Variants in CTCF observed in about 807,000 individuals in gnomAD.
CTCF encodes CCCTC-binding factor.
CTCF carries 7 observed loss-of-function variants against 72.3 expected under a neutral mutation model. The ratio of observed to expected loss-of-function variants is 0.10; its 90% CI spans 0.06 to 0.18. The LOEUF (loss-of-function observed/expected upper bound fraction) is 0.18. Among genes scored for constraint, CTCF ranks in the 10% least tolerant of loss-of-function variants. CTCF has a pLI of 1.00. For missense variants in CTCF, 516 were observed against 949.1 expected (o/e 0.54, Z 6.00); for synonymous variants, 374 against 315.8 (o/e 1.18, Z -1.95).
At chr16:67,617,824 A>G (rs1315382168) in intron 5 of CTCF, among the ~76,000 whole-genome samples, 1 of 152,242 alleles carries the variant, frequency 6.6e-6, no homozygotes, top group African/African-American at 2.4e-5. Flanking sequence ...CTGGGTCAGA[A>G]AACTACCAAA....
At chr16:67,598,509 GTTA>G (rs553441168) in intron 2 of CTCF, among the ~76,000 whole-genome samples, 88 of 152,286 alleles carry the variant, frequency 5.8e-4, no homozygotes, top group African/African-American at 1.9e-3. Flanking sequence ...ATAATAGAAA[GTTA>G]TTATTACATG....
At position 67,638,750 on chromosome 16, in the gene CTCF, ATCT is replaced by A. The variant is rs1285549042; in HGVS notation, c.*882_*884del. On this transcript the variant is annotated 3_prime_UTR_variant, in exon 12 of 12. Coordinates refer to ENST00000264010, the MANE Select transcript of CTCF (RefSeq NM_006565.4). Reference sequence around the variant, plus strand: ...TGTAGCTGATTGTTGTGTTTTATAAATCTTCTGTTAAGGCAGAAGGGTGATTAT... The same window carrying A: ...TGTAGCTGATTGTTGTGTTTTATAAATCTGTTAAGGCAGAAGGGTGATTAT... The A allele has an allele frequency of 9.5e-5, 21 of 220,730 alleles. No individual in the cohort carries two copies. Among genetic ancestry groups the A allele is most frequent in the East Asian group, 1.3e-4 (2 of 15,170 alleles). 13.7% of individuals were successfully genotyped at this position (220,730 alleles called of 1,614,324 possible). A position where few individuals can be genotyped will look rare whatever the true frequency, so the allele number is the denominator to read the frequency against.
intron 2 of CTCF, among the ~76,000 whole-genome samples, chr16:67,593,503 T>C (rs1379255554): frequency 6.6e-6 from 1 of 152,202 alleles, no homozygotes; most frequent in East Asian, 1.9e-4. Context: ...GCATCTGTGT[T>C]GCTGTAAAGG....
At chr16:67,588,100 C>A (rs1160220184) in intron 2 of CTCF, among the ~76,000 whole-genome samples, 3 of 152,082 alleles carry the variant, frequency 2.0e-5, no homozygotes, top group Non-Finnish European at 4.4e-5. Flanking sequence ...TCAGGTGATT[C>A]ACCTGCCTCG....
At chr16:67,580,978 G>A (rs2051572379) in intron 2 of CTCF, among the ~76,000 whole-genome samples, 1 of 151,820 alleles carries the variant, frequency 6.6e-6, no homozygotes, top group South Asian at 2.1e-4. Context: ...GCCCACGCGG[G>A]AGTGCAGTGG....
At chr16:67,593,785 G>A (rs2051776999) in intron 2 of CTCF, among the ~76,000 whole-genome samples, 1 of 152,148 alleles carries the variant, frequency 6.6e-6, no homozygotes, top group Admixed American at 6.6e-5. Context: ...ATATTAAAAA[G>A]TTGTGGGTTT....
chr16:67,567,058 T>A (rs2051352468), intron 1 of CTCF, among the ~76,000 whole-genome samples: 1 of 151,692 alleles, frequency 6.6e-6, no homozygotes, highest in Non-Finnish European at 1.5e-5. Flanking sequence ...CCTAGGCTGG[T>A]CTCAAACTCG....
At chr16:67,597,260 T>A (rs902242853) in intron 2 of CTCF, among the ~76,000 whole-genome samples, 3 of 152,152 alleles carry the variant, frequency 2.0e-5, no homozygotes, top group Non-Finnish European at 4.4e-5. Context: ...AATCTCGAAC[T>A]CCTGGGCTCA....
intron 1 of CTCF, among the ~76,000 whole-genome samples, chr16:67,565,282 G>A (rs1174250952): frequency 6.6e-6 from 1 of 152,132 alleles, no homozygotes; most frequent in African/African-American, 2.4e-5. Context: ...GATTACAGGC[G>A]TGAGCCATCT....
chr16:67,610,598 C>G (rs184353412), intron 2 of CTCF: 3 of 210,566 alleles, frequency 1.4e-5, no homozygotes, highest in African/African-American at 6.9e-5. Flanking sequence ...TCGTGATCCG[C>G]CCGCCTCAGC....
At chr16:67,614,642 G>T (rs1405682401) in intron 4 of CTCF, 4 of 152,160 alleles carry the variant, frequency 2.6e-5, no homozygotes, top group Non-Finnish European at 5.9e-5. Context: ...GAGGTCAGGA[G>T]TTCAAGACTA....
intron 2 of CTCF, among the ~76,000 whole-genome samples, chr16:67,601,339 T>TGTGTG (rs2051888867): frequency 9.1e-6 from 1 of 109,678 alleles, no homozygotes; most frequent in African/African-American, 3.2e-5. Context: ...GTGTGTGTGT[T>TGTGTG]TTGTTTTGTT....
At chr16:67,586,455 G>C (rs2051669895) in intron 2 of CTCF, among the ~76,000 whole-genome samples, 2 of 151,610 alleles carry the variant, frequency 1.3e-5, no homozygotes, top group African/African-American at 4.8e-5. Flanking sequence ...AGAATTGCTT[G>C]AACCCGGGAG....
chr16:67,608,317 C>G (rs1285596505), intron 2 of CTCF, among the ~76,000 whole-genome samples: 5 of 151,336 alleles, frequency 3.3e-5, no homozygotes, highest in African/African-American at 9.7e-5. Flanking sequence ...GAGCGAGACT[C>G]CGTCTCAAAA....
chr16:67,616,952 T>C (rs2052139305), intron 5 of CTCF, 74 bp downstream of exon 5: 4 of 1,472,154 alleles, frequency 2.7e-6, no homozygotes, highest in East Asian at 2.3e-5. Flanking sequence ...CTATAACTAC[T>C]ACCCAAACGG....
chr16:67,583,415 G>A (rs1353432040), intron 2 of CTCF, among the ~76,000 whole-genome samples: 12 of 151,994 alleles, frequency 7.9e-5, no homozygotes, highest in Admixed American at 6.6e-4. Context: ...AGCCAGGCGC[G>A]GTGGCTCACG....
chr16:67,612,998 A>G (rs2052081400), intron 4 of CTCF, among the ~76,000 whole-genome samples: 1 of 152,230 alleles, frequency 6.6e-6, no homozygotes. Context: ...ATAATTCATA[A>G]TTTCAGAATG....
At chr16:67,583,702 A>G (rs961790475) in intron 2 of CTCF, among the ~76,000 whole-genome samples, 2 of 152,056 alleles carry the variant, frequency 1.3e-5, no homozygotes, top group Non-Finnish European at 2.9e-5. Flanking sequence ...AAAAAAAACA[A>G]AAGAGCATAT....
intron 2 of CTCF, among the ~76,000 whole-genome samples, chr16:67,574,627 C>T (rs1430620454): frequency 1.3e-5 from 2 of 150,728 alleles, no homozygotes; most frequent in Non-Finnish European, 1.5e-5. Flanking sequence ...CAGGCATGAA[C>T]CACCACGCCC....
Sources: allele counts gnomAD v4.1 joint callset (sites outside exome capture counted in the v4.1 genomes callset), GRCh38; gene constraint gnomAD v4.1.1; transcripts MANE v1.5; gene names NCBI Gene and HGNC (gene_info 2026-07-23, HGNC 2026-07-21).